The following MEIOSIN variants were observed in gnomAD, a reference collection of about 807,000 sequenced individuals.
The protein encoded by MEIOSIN is meiosis initiator protein.
Under a neutral mutation model 23.4 loss-of-function variants are expected in MEIOSIN, and 18 were observed. The ratio of observed to expected loss-of-function variants is 0.77; its 90% CI spans 0.53 to 1.14. The LOEUF (loss-of-function observed/expected upper bound fraction) is 1.14, where lower values mean the gene tolerates loss of function less well. Ranked by LOEUF, MEIOSIN falls within the 50% of genes most tolerant of loss-of-function variation. MEIOSIN has a pLI of 0.00. For missense variants in MEIOSIN, 428 were observed against 242.9 expected (o/e 1.76, Z -5.07); for synonymous variants, 187 against 100.6 (o/e 1.86, Z -5.14).
At position 45,763,414 on chromosome 19, in the gene MEIOSIN, C is replaced by T; in HGVS notation, c.1756C>T (p.Arg586Trp). The T allele has an allele frequency of 2.5e-6, 1 of 398,652 alleles. No individual in the cohort carries two copies. The highest frequency in any genetic ancestry group is 4.4e-6 in the Non-Finnish European group (1 of 226,140). 24.7% of individuals were successfully genotyped at this position (398,652 alleles called of 1,614,324 possible). A position where few individuals can be genotyped will look rare whatever the true frequency, so the allele number is the denominator to read the frequency against. ...QLWRVMTQQE[R>W]RPYCTKARRF... Reference sequence around the variant, plus strand: ...GTGGCGGGTGATGACCCAGCAGGAGCGGAGGCCATACTGGTGAGAGGCTCC... The same window carrying T: ...GTGGCGGGTGATGACCCAGCAGGAGTGGAGGCCATACTGGTGAGAGGCTCC... Residue 586 changes from arginine to tryptophan, a missense_variant, in exon 14 of 15, where the codon CGG becomes TGG. Transcript: ENST00000457052.
chr19:45,745,390 C>A, intron 4 of MEIOSIN, 69 bp downstream of exon 4: 3 of 669,590 alleles, frequency 4.5e-6, no homozygotes, highest in Non-Finnish European at 2.7e-6. Context: ...ATGGGTCACC[C>A]TCTCCTGGGA....
chr19:45,754,357 A>G, intron 6 of MEIOSIN, 122 bp from the exon 7 acceptor site: 1 of 606,602 alleles, frequency 1.6e-6, no homozygotes, highest in Non-Finnish European at 2.9e-6. Context: ...GGATCTGGGC[A>G]TTCCCATACC....
At chr19:45,744,630 C>T (rs949837652) in intron 3 of MEIOSIN, among the ~76,000 whole-genome samples, 2 of 151,726 alleles carry the variant, frequency 1.3e-5, no homozygotes, top group South Asian at 2.1e-4. Flanking sequence ...TATTTTGAGA[C>T]GGAGTCTTAC....
intron 7 of MEIOSIN, 98 bp from the exon 8 acceptor site, chr19:45,755,872 G>C (rs554664531): frequency 1.6e-6 from 1 of 637,996 alleles, no homozygotes; most frequent in East Asian, 2.7e-5. Flanking sequence ...GGAGTGAGAG[G>C]GTGTGTGGCA....
intron 5 of MEIOSIN, among the ~76,000 whole-genome samples, chr19:45,751,219 C>A (rs1968697972): frequency 6.6e-6 from 1 of 150,754 alleles, no homozygotes; most frequent in Non-Finnish European, 1.5e-5. Flanking sequence ...TTGCTGTGAG[C>A]CGAGATCACG....
intron 5 of MEIOSIN, among the ~76,000 whole-genome samples, chr19:45,751,042 G>A (rs571133994): frequency 6.6e-6 from 1 of 152,196 alleles, no homozygotes; most frequent in Admixed American, 6.5e-5. Context: ...GGAGGCCGAG[G>A]CGGGCGGATC....
At chr19:45,763,458 G>C (rs1310766074) in intron 14 of MEIOSIN, 31 bp downstream of exon 14, 2 of 398,518 alleles carry the variant, frequency 5.0e-6, no homozygotes, top group Middle Eastern at 6.2e-4. Flanking sequence ...GGTGTGGGTG[G>C]GGGGTGGAAG....
At position 45,735,452 on chromosome 19, in the gene MEIOSIN, G is replaced by C. The variant is rs1227752586; in HGVS notation, c.71+5G>C. On this transcript the variant is annotated splice_donor_5th_base_variant and intron_variant, in intron 2 of 14. Coordinates refer to ENST00000457052, the MANE Select transcript of MEIOSIN (RefSeq NM_001310124.2). ...TTCACTGGGTCCCAGTGACAGGTAAGGGCTTGCCCCATCTCCCTTATAGCC... is the reference window on the plus strand; with the variant it reads ...TTCACTGGGTCCCAGTGACAGGTAACGGCTTGCCCCATCTCCCTTATAGCC... 1 of 701,516 alleles carries C rather than the reference G, an allele frequency of 1.4e-6. No individual in the cohort carries two copies. Among genetic ancestry groups the C allele is most frequent in the Non-Finnish European group, 2.6e-6 (1 of 384,216 alleles). 43.5% of individuals were successfully genotyped at this position (701,516 alleles called of 1,614,324 possible).
chr19:45,737,616 C>A (rs1024557714), intron 2 of MEIOSIN, among the ~76,000 whole-genome samples: 5 of 151,318 alleles, frequency 3.3e-5, no homozygotes, highest in African/African-American at 1.2e-4. Flanking sequence ...CAGGCACACG[C>A]CACTATGCCC....
intron 5 of MEIOSIN, among the ~76,000 whole-genome samples, chr19:45,753,295 T>C (rs569280727): frequency 1.3e-5 from 2 of 152,262 alleles, no homozygotes; most frequent in South Asian, 4.1e-4. Flanking sequence ...AAGGCCCCAG[T>C]GACCTTGAGG....
At chr19:45,759,149 G>A (rs1968893491) in intron 10 of MEIOSIN, 116 bp downstream of exon 10, 4 of 657,330 alleles carry the variant, frequency 6.1e-6, no homozygotes, top group Non-Finnish European at 8.3e-6. Flanking sequence ...CTGCCTCAAG[G>A]AGCCCACGGC....
intron 11 of MEIOSIN, among the ~76,000 whole-genome samples, 152 bp from the exon 12 acceptor site, chr19:45,761,527 C>T (rs1044776672): frequency 1.3e-5 from 2 of 151,366 alleles, no homozygotes; most frequent in Non-Finnish European, 2.9e-5. Flanking sequence ...GCCTCAGCCT[C>T]CCAGAGTGTT....
chr19:45,749,638 C>T (rs560229907), intron 4 of MEIOSIN, among the ~76,000 whole-genome samples: 141 of 134,138 alleles, frequency 1.1e-3, no homozygotes, highest in Non-Finnish European at 2.0e-3. Context: ...CGCCACTGCA[C>T]TCCATCCTGG....
intron 2 of MEIOSIN, among the ~76,000 whole-genome samples, chr19:45,737,576 C>A (rs937274461): frequency 8.6e-5 from 13 of 151,924 alleles, no homozygotes; most frequent in Middle Eastern, 3.4e-3. Flanking sequence ...AGCAGTCCTC[C>A]CACATCAGCC....
At chr19:45,742,723 G>A (rs1016351774) in intron 3 of MEIOSIN, among the ~76,000 whole-genome samples, 37 of 151,974 alleles carry the variant, frequency 2.4e-4, no homozygotes, top group African/African-American at 8.7e-4. Flanking sequence ...GCGTAATCCC[G>A]GGAGGCGGAG....
intron 4 of MEIOSIN, among the ~76,000 whole-genome samples, chr19:45,747,328 T>C (rs897855888): frequency 2.0e-5 from 3 of 152,170 alleles, no homozygotes; most frequent in Admixed American, 2.0e-4. Context: ...GAGAATTGCC[T>C]CTCCTGTGTT....
intron 6 of MEIOSIN, 147 bp from the exon 7 acceptor site, chr19:45,754,330 AAG>A: frequency 1.7e-6 from 1 of 598,782 alleles, no homozygotes; most frequent in African/African-American, 1.9e-5. Flanking sequence ...GGGTTGAACA[AAG>A]AGGCCTGTGA....
intron 13 of MEIOSIN, 141 bp downstream of exon 13, chr19:45,762,324 TC>T (rs1401853740): frequency 2.5e-6 from 1 of 398,038 alleles, no homozygotes; most frequent in African/African-American, 2.1e-5. Context: ...CCACAGTTCT[TC>T]CCCAGAACTG....
chr19:45,759,651 G>A (rs565097835), intron 11 of MEIOSIN, among the ~76,000 whole-genome samples, 161 bp downstream of exon 11: 98 of 152,042 alleles, frequency 6.4e-4, no homozygotes, highest in South Asian at 1.2e-3. Flanking sequence ...ACCGCCCCCC[G>A]ACCCTCTCTG....
Sources: gnomAD v4.1 joint callset for allele counts (sites outside exome capture counted in the v4.1 genomes callset) on GRCh38, gnomAD v4.1.1 for gene constraint, MANE v1.5 for transcripts, NCBI Gene and HGNC (gene_info 2026-07-23, HGNC 2026-07-21) for gene names.